The following CNTNAP2 variants were observed in gnomAD, a reference collection of about 807,000 sequenced individuals.
The protein encoded by CNTNAP2 is contactin associated protein 2.
In CNTNAP2, 98 loss-of-function variants were observed where a neutral mutation model predicts 155.2. The observed-to-expected ratio is 0.63, with a 90% CI of 0.54 to 0.75. The LOEUF (loss-of-function observed/expected upper bound fraction) is 0.75. CNTNAP2 is among the 30% of genes least tolerant of loss of function. CNTNAP2 has a pLI of 0.00. For missense variants in CNTNAP2, 1,727 were observed against 1,688.1 expected (o/e 1.02, Z -0.40); for synonymous variants, 651 against 631.2 (o/e 1.03, Z -0.47).
intron 14 of CNTNAP2, 51 bp downstream of exon 14, chr7:147,903,772 G>A: frequency 1.2e-6 from 2 of 1,600,798 alleles, no homozygotes. Context: ...GTGTGCCTTT[G>A]TGTCAAACTC....
chr7:146,152,091 T>A (rs868800411), intron 1 of CNTNAP2, among the ~76,000 whole-genome samples: 1 of 152,044 alleles, frequency 6.6e-6, no homozygotes, highest in African/African-American at 2.4e-5. Context: ...TTATTCACTA[T>A]AGCCAAGATA....
chr7:146,748,434 C>G (rs773341532), intron 1 of CNTNAP2, among the ~76,000 whole-genome samples: 3 of 152,028 alleles, frequency 2.0e-5, no homozygotes, highest in Non-Finnish European at 4.4e-5. Context: ...CGTGACCCAC[C>G]GCGCCCGGCC....
At chr7:148,080,354 C>T (rs1310296231) in intron 15 of CNTNAP2, among the ~76,000 whole-genome samples, 1 of 151,924 alleles carries the variant, frequency 6.6e-6, no homozygotes, top group East Asian at 1.9e-4. Context: ...GCCTGTAATC[C>T]CAGCACTTTG....
At chr7:147,158,390 AT>A (rs1339003375) in intron 8 of CNTNAP2, among the ~76,000 whole-genome samples, 3 of 152,090 alleles carry the variant, frequency 2.0e-5, no homozygotes, top group Non-Finnish European at 4.4e-5. Context: ...ATTCCTAATA[AT>A]GCTATTTATG....
chr7:147,321,969 G>C (rs1411530068), intron 9 of CNTNAP2, among the ~76,000 whole-genome samples: 2 of 152,170 alleles, frequency 1.3e-5, no homozygotes, highest in Non-Finnish European at 2.9e-5. Context: ...TGTTATATGA[G>C]AGAATATAGA....
intron 3 of CNTNAP2, among the ~76,000 whole-genome samples, chr7:146,957,208 A>C (rs1371017948): frequency 6.6e-6 from 1 of 152,192 alleles, no homozygotes; most frequent in East Asian, 1.9e-4. Context: ...ACTGTAGTGA[A>C]TACTGTGGGT....
chr7:148,194,025 C>T (rs1795237240), intron 18 of CNTNAP2, among the ~76,000 whole-genome samples: 1 of 151,156 alleles, frequency 6.6e-6, no homozygotes, highest in South Asian at 2.1e-4. Flanking sequence ...GGCTGCAGTG[C>T]AGTGGCGCAA....
chr7:146,541,879 C>G (rs1797958385), intron 1 of CNTNAP2, among the ~76,000 whole-genome samples: 1 of 151,846 alleles, frequency 6.6e-6, no homozygotes, highest in South Asian at 2.1e-4. Context: ...TGATTTATTG[C>G]CAAAATATTC....
At chr7:147,856,179 G>T (rs1171352006) in intron 13 of CNTNAP2, among the ~76,000 whole-genome samples, 1 of 151,716 alleles carries the variant, frequency 6.6e-6, no homozygotes, top group African/African-American at 2.4e-5. Flanking sequence ...GCCCATATAG[G>T]GTTTCTTGTT....
chr7:147,372,490 C>T (rs906007234), intron 9 of CNTNAP2, among the ~76,000 whole-genome samples: 1 of 152,102 alleles, frequency 6.6e-6, no homozygotes, highest in Non-Finnish European at 1.5e-5. Context: ...CATTCCTGAA[C>T]TCTATCCCAG....
At chr7:147,772,445 G>A (rs933296036) in intron 13 of CNTNAP2, among the ~76,000 whole-genome samples, 16 of 28,894 alleles carry the variant, frequency 5.5e-4, no homozygotes, top group African/African-American at 1.1e-3. Context: ...TCTCTCTCTC[G>A]CTATATATAT....
intron 10 of CNTNAP2, among the ~76,000 whole-genome samples, chr7:147,473,056 T>A (rs1170458039): frequency 6.6e-6 from 1 of 152,138 alleles, no homozygotes; most frequent in Non-Finnish European, 1.5e-5. Flanking sequence ...AGGGATCAAC[T>A]CAGGGCAATA....
At chr7:146,480,015 C>T (rs1475426862) in intron 1 of CNTNAP2, among the ~76,000 whole-genome samples, 2 of 152,044 alleles carry the variant, frequency 1.3e-5, no homozygotes, top group Admixed American at 1.3e-4. Flanking sequence ...AAACTCCTGA[C>T]CTTGGGTGAT....
intron 1 of CNTNAP2, among the ~76,000 whole-genome samples, chr7:146,721,282 T>C (rs1422304143): frequency 7.6e-6 from 1 of 131,916 alleles, no homozygotes; most frequent in African/African-American, 2.8e-5. Context: ...TCTATATATA[T>C]TCTATATATA....
chr7:147,909,926 A>T (rs117185965), intron 14 of CNTNAP2, among the ~76,000 whole-genome samples: 1 of 152,164 alleles, frequency 6.6e-6, no homozygotes, highest in African/African-American at 2.4e-5. Context: ...CCACCTCAAC[A>T]TTAGAAAGGC....
intron 9 of CNTNAP2, among the ~76,000 whole-genome samples, chr7:147,343,861 A>G (rs1795802834): frequency 6.6e-6 from 1 of 152,138 alleles, no homozygotes; most frequent in Non-Finnish European, 1.5e-5. Flanking sequence ...ACTACAGACC[A>G]CAATTTCAAA....
chr7:147,716,540 G>A (rs970175443), intron 13 of CNTNAP2, among the ~76,000 whole-genome samples: 2 of 152,064 alleles, frequency 1.3e-5, no homozygotes, highest in East Asian at 3.9e-4. Context: ...GAGCCATGTT[G>A]CCAATTTCTT....
At position 147,300,170 on chromosome 7, in the gene CNTNAP2, G is replaced by A. The variant is rs867001883; in HGVS notation, c.1378G>A (p.Glu460Lys). Residue 460 changes from glutamate to lysine, a missense_variant, in exon 9 of 24, where the codon GAG becomes AAG. Transcript: ENST00000361727. ...GSGLNDGQWH[E>K]VRFLAKENFA... Reference sequence around the variant, plus strand: ...TGGGTTGAATGATGGACAGTGGCACGAGGTTCGCTTCCTAGCCAAGGAAAA... The same window carrying A: ...TGGGTTGAATGATGGACAGTGGCACAAGGTTCGCTTCCTAGCCAAGGAAAA... 4.3e-6 allele frequency: 7 copies of A among 1,613,892 alleles called. No homozygotes were observed. The Admixed American group carries it at 5.0e-5, about 12-fold the overall frequency.
At chr7:147,153,949 G>A (rs1801874865) in intron 8 of CNTNAP2, among the ~76,000 whole-genome samples, 2 of 152,054 alleles carry the variant, frequency 1.3e-5, no homozygotes, top group African/African-American at 4.8e-5. Flanking sequence ...TAAGTTGAAG[G>A]CAATTTCCTG....
Sources: allele counts gnomAD v4.1 joint callset (sites outside exome capture counted in the v4.1 genomes callset), GRCh38; gene constraint gnomAD v4.1.1; transcripts MANE v1.5; gene names NCBI Gene and HGNC (gene_info 2026-07-23, HGNC 2026-07-21).